The following STK32B variants were observed in gnomAD, a reference collection of about 807,000 sequenced individuals.
STK32B encodes the protein serine/threonine kinase 32B.
In STK32B, 43 loss-of-function variants were observed where a neutral mutation model predicts 52.6. The ratio of observed to expected loss-of-function variants is 0.82; its 90% CI spans 0.64 to 1.05. The LOEUF is 1.05. Among genes scored for constraint, STK32B ranks in the 50% least tolerant of loss-of-function variants. The probability of loss-of-function intolerance (pLI) is 0.00; values close to 1 mark genes in which losing one functional copy is unlikely to be tolerated. For synonymous variants in STK32B, 238 were observed against 204.3 expected, an observed-to-expected ratio of 1.17 and a Z score of -1.41; for missense variants, 621 against 534.6, an observed-to-expected ratio of 1.16 and a Z score of -1.59.
intron 3 of STK32B, among the ~76,000 whole-genome samples, chr4:5,218,306 T>C (rs759840889): frequency 1.1e-4 from 16 of 152,212 alleles, no homozygotes; most frequent in African/African-American, 2.7e-4. Context: ...CTGACTGTTA[T>C]GTGGAAGATG....
intron 4 of STK32B, among the ~76,000 whole-genome samples, chr4:5,358,688 C>G (rs1028513273): frequency 2.1e-5 from 3 of 142,996 alleles, no homozygotes; most frequent in African/African-American, 8.4e-5. Context: ...TGCCAGGACA[C>G]ATTCACACAC....
At chr4:5,485,902 G>T (rs969026116) in intron 11 of STK32B, among the ~76,000 whole-genome samples, 1 of 152,206 alleles carries the variant, frequency 6.6e-6, no homozygotes, top group Admixed American at 6.5e-5. Flanking sequence ...CAGAACAGTG[G>T]ATATTGGTGA....
At chr4:5,332,677 T>A (rs1455604089) in intron 4 of STK32B, among the ~76,000 whole-genome samples, 1 of 152,102 alleles carries the variant, frequency 6.6e-6, no homozygotes, top group East Asian at 1.9e-4. Context: ...CCCCAGAGTG[T>A]GATGTTCCCC....
intron 3 of STK32B, among the ~76,000 whole-genome samples, chr4:5,291,486 A>AT (rs1459223510): frequency 6.6e-6 from 1 of 152,060 alleles, no homozygotes; most frequent in African/African-American, 2.4e-5. Context: ...AATACAGCTG[A>AT]TTTTTTGTAT....
At chr4:5,222,282 G>A (rs923988996) in intron 3 of STK32B, among the ~76,000 whole-genome samples, 6 of 152,166 alleles carry the variant, frequency 3.9e-5, no homozygotes, top group Admixed American at 3.9e-4. Flanking sequence ...TAAAAAAGTG[G>A]AAGTAGCTTT....
chr4:5,259,873 G>T (rs1005826231), intron 3 of STK32B, among the ~76,000 whole-genome samples: 1 of 152,050 alleles, frequency 6.6e-6, no homozygotes, highest in African/African-American at 2.4e-5. Flanking sequence ...AATCCTGCTC[G>T]CAGAGGTCAG....
At chr4:5,022,545 G>A in the STK32B span, among the ~76,000 whole-genome samples, 3 of 152,130 alleles carry the variant, frequency 2.0e-5, no homozygotes, top group African/African-American at 7.2e-5. Flanking sequence ...TGGCTGCTCC[G>A]AATATTAAAA....
chr4:5,179,970 C>T (rs1296739154), intron 3 of STK32B, among the ~76,000 whole-genome samples: 1 of 152,200 alleles, frequency 6.6e-6, no homozygotes, highest in Admixed American at 6.5e-5. Flanking sequence ...TGGTCACACA[C>T]CCATTCCTGA....
At chr4:5,204,678 C>T (rs1206645664) in intron 3 of STK32B, among the ~76,000 whole-genome samples, 5 of 151,980 alleles carry the variant, frequency 3.3e-5, no homozygotes, top group Admixed American at 3.3e-4. Flanking sequence ...CCATATTGGC[C>T]AGGCTGGTCT....
At chr4:5,375,502 T>G (rs531773534) in intron 4 of STK32B, among the ~76,000 whole-genome samples, 10 of 152,342 alleles carry the variant, frequency 6.6e-5, no homozygotes, top group African/African-American at 2.4e-4. Context: ...TCCAAACATT[T>G]CTATGAATTT....
intron 11 of STK32B, among the ~76,000 whole-genome samples, chr4:5,485,656 A>G (rs899466494): frequency 4.6e-5 from 7 of 151,944 alleles, no homozygotes; most frequent in Non-Finnish European, 7.4e-5. Context: ...GGAGGAGGAG[A>G]GGCACTCTGC....
intron 1 of STK32B, among the ~76,000 whole-genome samples, chr4:5,085,776 G>A (rs546344068): frequency 4.1e-4 from 62 of 152,322 alleles, no homozygotes; most frequent in African/African-American, 1.4e-3. Flanking sequence ...GTTGAGAACA[G>A]TAAGCTTTGT....
At chr4:5,159,771 A>ATG in intron 2 of STK32B, among the ~76,000 whole-genome samples, 1 of 143,874 alleles carries the variant, frequency 7.0e-6, no homozygotes, top group East Asian at 2.1e-4. Flanking sequence ...ATATATATGA[A>ATG]TATATGAATG....
rs373080711 is a variant in STK32B, at chr4:5,433,087, A to G, written c.563-13586A>G. The stretch of plus-strand genomic sequence containing the variant: ...CTCAGGGGCAGCTGGAGTTGGGATT[A>G]AAGAGCCCCAGGCTGGAGACAGGCA... On this transcript the variant is annotated intron_variant, in intron 6 of 11. Coordinates refer to ENST00000282908, the MANE Select transcript of STK32B (RefSeq NM_018401.3). 6.6e-5 allele frequency among the ~76,000 whole-genome samples: 10 copies of G among 152,284 alleles called. No homozygotes were observed. In the South Asian group the frequency reaches 2.1e-3, roughly 32 times the overall value.
At chr4:5,450,085 A>G (rs1361864079) in intron 7 of STK32B, among the ~76,000 whole-genome samples, 2 of 152,196 alleles carry the variant, frequency 1.3e-5, no homozygotes, top group African/African-American at 4.8e-5. Context: ...GGAATCACTG[A>G]TGCAGAGAAC....
chr4:5,276,739 C>T (rs1328741223), intron 3 of STK32B, among the ~76,000 whole-genome samples: 4 of 152,036 alleles, frequency 2.6e-5, no homozygotes, highest in East Asian at 1.9e-4. Flanking sequence ...GTCATATTAC[C>T]GAGAGGGGAA....
chr4:5,232,353 G>T (rs1196546933), intron 3 of STK32B, among the ~76,000 whole-genome samples: 1 of 152,148 alleles, frequency 6.6e-6, no homozygotes, highest in Non-Finnish European at 1.5e-5. Flanking sequence ...AGAAATATGT[G>T]TAATAACTAT....
At chr4:5,023,873 C>G in the STK32B span, among the ~76,000 whole-genome samples, 1 of 152,122 alleles carries the variant, frequency 6.6e-6, no homozygotes, top group Non-Finnish European at 1.5e-5. Context: ...TATGTGGGAC[C>G]CAGACTGGAA....
At chr4:5,426,291 G>A (rs1047886568) in intron 6 of STK32B, among the ~76,000 whole-genome samples, 1 of 152,136 alleles carries the variant, frequency 6.6e-6, no homozygotes, top group Non-Finnish European at 1.5e-5. Flanking sequence ...TAGGTCAGTC[G>A]TGATTTCAGT....
Sources: gnomAD v4.1 joint callset for allele counts (sites outside exome capture counted in the v4.1 genomes callset) on GRCh38, gnomAD v4.1.1 for gene constraint, MANE v1.5 for transcripts, NCBI Gene and HGNC (gene_info 2026-07-23, HGNC 2026-07-21) for gene names.